Variants in NRXN3 observed in about 807,000 individuals in gnomAD.
NRXN3 encodes the protein neurexin III.
Under a neutral mutation model 137.6 loss-of-function variants are expected in NRXN3, and 32 were observed. That is an observed-to-expected ratio of 0.23 (90% CI 0.18 to 0.31). The LOEUF (loss-of-function observed/expected upper bound fraction) is 0.31. Among genes scored for constraint, NRXN3 ranks in the 10% least tolerant of loss-of-function variants. NRXN3 has a pLI of 1.00. For missense variants in NRXN3, 1,574 were observed against 2,062.5 expected (o/e 0.76, Z 4.59); for synonymous variants, 798 against 784.5 (o/e 1.02, Z -0.29).
intron 16 of NRXN3, among the ~76,000 whole-genome samples, chr14:79,476,543 T>A (rs2096561410): frequency 6.6e-6 from 1 of 152,160 alleles, no homozygotes; most frequent in Admixed American, 6.6e-5. Flanking sequence ...TAATTCAGTT[T>A]ATTTTTCCTC....
chr14:79,176,171 T>C (rs189085418), intron 15 of NRXN3, among the ~76,000 whole-genome samples: 1 of 152,330 alleles, frequency 6.6e-6, no homozygotes, highest in Admixed American at 6.5e-5. Flanking sequence ...AACTGTACTG[T>C]TATAGCAATT....
intron 16 of NRXN3, among the ~76,000 whole-genome samples, chr14:79,619,344 C>T (rs912384598): frequency 5.3e-5 from 8 of 152,032 alleles, no homozygotes; most frequent in Non-Finnish European, 2.9e-5. Context: ...TTAGGTCTCA[C>T]ATTTAAGTTT....
At chr14:79,794,468 G>A (rs925365381) in intron 19 of NRXN3, among the ~76,000 whole-genome samples, 4 of 152,116 alleles carry the variant, frequency 2.6e-5, no homozygotes, top group African/African-American at 9.7e-5. Context: ...ACTGTAAATG[G>A]TTGGTTGATA....
intron 2 of NRXN3, among the ~76,000 whole-genome samples, chr14:78,252,404 C>A (rs1426801871): frequency 6.6e-6 from 1 of 152,160 alleles, no homozygotes; most frequent in Non-Finnish European, 1.5e-5. Context: ...ATGTAAAGCT[C>A]CTGGCTCAAG....
At chr14:78,767,041 C>T (rs906037669) in intron 8 of NRXN3, among the ~76,000 whole-genome samples, 3 of 152,202 alleles carry the variant, frequency 2.0e-5, no homozygotes, top group Non-Finnish European at 4.4e-5. Flanking sequence ...AAACAACACA[C>T]ATTGATTACC....
intron 15 of NRXN3, among the ~76,000 whole-genome samples, chr14:79,039,117 G>C (rs988828940): frequency 2.6e-5 from 4 of 152,222 alleles, no homozygotes; most frequent in African/African-American, 9.6e-5. Flanking sequence ...TCATTCTTAG[G>C]AGAGGCCCCA....
intron 4 of NRXN3, among the ~76,000 whole-genome samples, chr14:78,470,224 C>T (rs1176954819): frequency 2.0e-5 from 3 of 152,314 alleles, no homozygotes; most frequent in South Asian, 2.1e-4. Context: ...AGGGTTTCTT[C>T]AGAGTGGCAT....
chr14:78,326,476 C>G (rs1354797667), intron 4 of NRXN3, among the ~76,000 whole-genome samples: 11 of 152,256 alleles, frequency 7.2e-5, no homozygotes, highest in Middle Eastern at 3.4e-3. Flanking sequence ...TTGGATTCCT[C>G]AGGGACCAGA....
At chr14:79,513,869 G>C (rs2153693216) in intron 16 of NRXN3, among the ~76,000 whole-genome samples, 1 of 152,270 alleles carries the variant, frequency 6.6e-6, no homozygotes, top group South Asian at 2.1e-4. Context: ...GAAACAGCCT[G>C]CTGGCAGTAC....
chr14:79,496,561 C>A (rs1269060018), intron 16 of NRXN3, among the ~76,000 whole-genome samples: 1 of 152,184 alleles, frequency 6.6e-6, no homozygotes, highest in Non-Finnish European at 1.5e-5. Context: ...TGGAAAAGTG[C>A]TAGTGAATAG....
intron 15 of NRXN3, among the ~76,000 whole-genome samples, chr14:79,462,970 T>C (rs77859981): frequency 0.022 from 3,195 of 146,052 alleles, 132 homozygotes; most frequent in African/African-American, 0.081. Flanking sequence ...ACAAGAATTC[T>C]ATTTCTGTTG....
intron 4 of NRXN3, among the ~76,000 whole-genome samples, chr14:78,528,286 C>T (rs2096409515): frequency 6.6e-6 from 1 of 152,124 alleles, no homozygotes; most frequent in African/African-American, 2.4e-5. Flanking sequence ...GTGGTTTTGC[C>T]TTTCAAGATG....
chr14:79,335,332 A>G (rs976901314), intron 15 of NRXN3, among the ~76,000 whole-genome samples: 1 of 152,066 alleles, frequency 6.6e-6, no homozygotes, highest in African/African-American at 2.4e-5. Context: ...TTCCTCTCCC[A>G]TTATAGGAAG....
intron 4 of NRXN3, among the ~76,000 whole-genome samples, chr14:78,596,844 C>A (rs1442481891): frequency 6.6e-6 from 1 of 152,110 alleles, no homozygotes; most frequent in African/African-American, 2.4e-5. Flanking sequence ...CTCCTCCCAC[C>A]CCTGCCAGAG....
chr14:78,563,213 T>TC (rs1483325125), intron 4 of NRXN3, among the ~76,000 whole-genome samples: 2 of 152,214 alleles, frequency 1.3e-5, no homozygotes, highest in African/African-American at 4.8e-5. Context: ...CAGGAGTCAT[T>TC]CATTGTCACT....
intron 3 of NRXN3, among the ~76,000 whole-genome samples, chr14:78,287,140 C>T (rs1048252808): frequency 2.0e-5 from 3 of 152,168 alleles, no homozygotes; most frequent in African/African-American, 4.8e-5. Flanking sequence ...AAAATAAAGT[C>T]ATCTTGAAGA....
chr14:78,905,224 C>A (rs1597219032), intron 10 of NRXN3, among the ~76,000 whole-genome samples: 2 of 152,160 alleles, frequency 1.3e-5, no homozygotes, highest in South Asian at 2.1e-4. Context: ...ACCCTAGCTA[C>A]TCCACACCTA....
At chr14:78,822,681 C>T (rs1379150113) in intron 10 of NRXN3, among the ~76,000 whole-genome samples, 1 of 130,664 alleles carries the variant, frequency 7.7e-6, no homozygotes, top group Non-Finnish European at 1.7e-5. Context: ...TCTCAAAAAA[C>T]AAAACAAACA....
intron 15 of NRXN3, among the ~76,000 whole-genome samples, chr14:79,243,611 T>A (rs1269452602): frequency 5.9e-5 from 9 of 152,148 alleles, no homozygotes; most frequent in Admixed American, 2.6e-4. Context: ...TAGTGTGTAC[T>A]CACACAAATC....
Sources: allele counts gnomAD v4.1 joint callset (sites outside exome capture counted in the v4.1 genomes callset), GRCh38; gene constraint gnomAD v4.1.1; transcripts MANE v1.5; gene names NCBI Gene and HGNC (gene_info 2026-07-23, HGNC 2026-07-21).